The following KCNMB2 variants were observed in gnomAD, a reference collection of about 807,000 sequenced individuals.
KCNMB2 encodes calcium-activated potassium channel subunit beta-2.
KCNMB2 carries 9 observed loss-of-function variants against 24.5 expected under a neutral mutation model. The ratio of observed to expected loss-of-function variants is 0.37; its 90% CI spans 0.22 to 0.64. The LOEUF is 0.64. Ranked by LOEUF, KCNMB2 falls within the 30% of genes least tolerant of loss-of-function variation. The probability of loss-of-function intolerance (pLI) is 0.63; values close to 1 mark genes in which losing one functional copy is unlikely to be tolerated. For missense variants in KCNMB2, 226 were observed against 284.3 expected, an observed-to-expected ratio of 0.79 and a Z score of 1.47; for synonymous variants, 109 against 104.4, an observed-to-expected ratio of 1.04 and a Z score of -0.27.
intron 1 of KCNMB2, among the ~76,000 whole-genome samples, chr3:178,638,726 A>T (rs565833100): frequency 1.9e-4 from 29 of 152,294 alleles, no homozygotes; most frequent in African/African-American, 6.3e-4. Context: ...AAGAAATTAC[A>T]TTTTGACCAG....
At chr3:178,838,380 C>T (rs1715306992) in intron 4 of KCNMB2, among the ~76,000 whole-genome samples, 1 of 152,172 alleles carries the variant, frequency 6.6e-6, no homozygotes, top group South Asian at 2.1e-4. Context: ...CTCTGCTCTA[C>T]TCACCTATAC....
At chr3:178,670,666 A>T (rs1720870041) in intron 1 of KCNMB2, among the ~76,000 whole-genome samples, 1 of 152,172 alleles carries the variant, frequency 6.6e-6, no homozygotes, top group Non-Finnish European at 1.5e-5. Flanking sequence ...CAAGTCATTC[A>T]GTTCTTAAGT....
intron 1 of KCNMB2, among the ~76,000 whole-genome samples, chr3:178,540,336 C>T (rs1261598964): frequency 1.3e-5 from 2 of 152,212 alleles, no homozygotes; most frequent in African/African-American, 2.4e-5. Flanking sequence ...ACATTTTTCA[C>T]AGTTGGTCTC....
chr3:178,565,591 G>A (rs990252907), intron 1 of KCNMB2, among the ~76,000 whole-genome samples: 6 of 152,232 alleles, frequency 3.9e-5, no homozygotes, highest in African/African-American at 7.2e-5. Flanking sequence ...TGTCACATGA[G>A]TTTGTTTTTC....
chr3:178,610,714 TTTCC>T (rs1718450528), intron 1 of KCNMB2, among the ~76,000 whole-genome samples: 1 of 152,164 alleles, frequency 6.6e-6, no homozygotes, highest in African/African-American at 2.4e-5. Context: ...TTGACTTATT[TTTCC>T]AGTCAGGATG....
intron 1 of KCNMB2, among the ~76,000 whole-genome samples, chr3:178,537,704 C>A (rs1715456624): frequency 6.6e-6 from 1 of 152,178 alleles, no homozygotes; most frequent in African/African-American, 2.4e-5. Flanking sequence ...ATCTATGGTG[C>A]AAATTTCAGT....
chr3:178,569,453 A>G (rs1292917834), intron 1 of KCNMB2, among the ~76,000 whole-genome samples: 1 of 152,138 alleles, frequency 6.6e-6, no homozygotes, highest in African/African-American at 2.4e-5. Context: ...GCAATTTCCA[A>G]ATGAAAAGGA....
chr3:178,648,781 A>G (rs1202106757), intron 1 of KCNMB2, among the ~76,000 whole-genome samples: 1 of 152,216 alleles, frequency 6.6e-6, no homozygotes, highest in East Asian at 1.9e-4. Flanking sequence ...TTTGGTTTAT[A>G]GACATATCTA....
chr3:178,831,827 T>A (rs1157924206), intron 4 of KCNMB2, among the ~76,000 whole-genome samples: 1 of 152,092 alleles, frequency 6.6e-6, no homozygotes, highest in Non-Finnish European at 1.5e-5. Flanking sequence ...TGAAATAAAC[T>A]GTACACCACG....
At position 178,828,388 on chromosome 3, in the gene KCNMB2, T is replaced by C; in HGVS notation, c.423+15T>C. The stretch of plus-strand genomic sequence containing the variant: ...TCAATCAGAAGGTAGGAACTTGGCG[T>C]ACTGCATTTCAGTTACCCCACAGAG... On this transcript the variant is annotated intron_variant, in intron 4 of 4. Transcript: ENST00000452583. 6.3e-7 allele frequency: 1 copy of C among 1,599,100 alleles called. No individual in the cohort carries two copies. Among genetic ancestry groups the C allele is most frequent in the South Asian group, 1.1e-5 (1 of 90,006 alleles).
intron 1 of KCNMB2, among the ~76,000 whole-genome samples, chr3:178,780,166 CAT>C (rs1464476272): frequency 6.6e-6 from 1 of 151,802 alleles, no homozygotes; most frequent in Non-Finnish European, 1.5e-5. Context: ...TTCTTTGTTC[CAT>C]CTTCAAGTTG....
intron 1 of KCNMB2, among the ~76,000 whole-genome samples, chr3:178,797,025 T>A (rs575286973): frequency 1.1e-3 from 174 of 151,718 alleles, no homozygotes; most frequent in African/African-American, 3.9e-3. Flanking sequence ...AAGACTCAAA[T>A]AAATAAAATC....
intron 2 of KCNMB2, among the ~76,000 whole-genome samples, chr3:178,823,166 T>C (rs1227623696): frequency 6.6e-6 from 1 of 152,218 alleles, no homozygotes; most frequent in Non-Finnish European, 1.5e-5. Flanking sequence ...TTTAAAAGCT[T>C]TGATGTAAAT....
intron 1 of KCNMB2, among the ~76,000 whole-genome samples, chr3:178,760,615 A>T (rs572510983): frequency 3.3e-5 from 5 of 150,576 alleles, no homozygotes; most frequent in African/African-American, 9.8e-5. Context: ...TGTACCTATC[A>T]ATCTTAGCTA....
At chr3:178,558,465 G>A (rs1395130988) in intron 1 of KCNMB2, among the ~76,000 whole-genome samples, 1 of 152,180 alleles carries the variant, frequency 6.6e-6, no homozygotes, top group African/African-American at 2.4e-5. Context: ...TGTAAAACAA[G>A]ATGAATAAGC....
chr3:178,740,104 T>G (rs1426881645), intron 1 of KCNMB2, among the ~76,000 whole-genome samples: 1 of 152,142 alleles, frequency 6.6e-6, no homozygotes, highest in African/African-American at 2.4e-5. Flanking sequence ...TGCTGCTGCT[T>G]CTGCTTCGTA....
rs1224071834 is a variant in KCNMB2, at chr3:178,760,156, CTA to C, written c.-67-47171_-67-47170del. Among the ~76,000 whole-genome samples the C allele has an allele frequency of 2.1e-4, 2 of 9,362 alleles. 1 individual carries two copies. Among genetic ancestry groups the C allele is most frequent in the South Asian group, 5.2e-3 (2 of 386 alleles). 6.1% of individuals were successfully genotyped at this position (9,362 alleles called of 152,430 possible). On this transcript the variant is annotated intron_variant, in intron 1 of 4. Coordinates refer to ENST00000452583, the MANE Select transcript of KCNMB2 (RefSeq NM_181361.3). ...TATATATATATCCAAGAGGATATAT[CTA>C]TATATATATATATATCCAAGAGGAT...
chr3:178,679,723 T>G (rs796112140), intron 1 of KCNMB2, among the ~76,000 whole-genome samples: 1 of 152,148 alleles, frequency 6.6e-6, no homozygotes, highest in South Asian at 2.1e-4. Context: ...CTGTCCCCTT[T>G]GACCTCTGGT....
chr3:178,579,952 T>C (rs1717137381), intron 1 of KCNMB2, among the ~76,000 whole-genome samples: 1 of 152,170 alleles, frequency 6.6e-6, no homozygotes, highest in Non-Finnish European at 1.5e-5. Flanking sequence ...AAAGAGAATT[T>C]GGTACCATTC....
Sources: gnomAD v4.1 joint callset for allele counts (sites outside exome capture counted in the v4.1 genomes callset) on GRCh38, gnomAD v4.1.1 for gene constraint, MANE v1.5 for transcripts, NCBI Gene and HGNC (gene_info 2026-07-23, HGNC 2026-07-21) for gene names.